The following PTPRM variants were observed in gnomAD, a reference collection of about 807,000 sequenced individuals.
The protein encoded by PTPRM is receptor-type tyrosine-protein phosphatase mu.
A neutral mutation model predicts 186.7 loss-of-function variants in PTPRM; 47 were observed. The ratio of observed to expected loss-of-function variants is 0.25; its 90% CI spans 0.20 to 0.32. The LOEUF (loss-of-function observed/expected upper bound fraction) is 0.32, where lower values mean the gene tolerates loss of function less well. Ranked by LOEUF, PTPRM falls within the 10% of genes least tolerant of loss-of-function variation. PTPRM has a pLI of 1.00. For synonymous variants in PTPRM, 668 were observed against 674.9 expected, an observed-to-expected ratio of 0.99 and a Z score of 0.16; for missense variants, 1,494 against 1,865.0, an observed-to-expected ratio of 0.80 and a Z score of 3.66.
chr18:8,085,474 CCT>C (rs1398949641), intron 9 of PTPRM, among the ~76,000 whole-genome samples, 195 bp from the exon 10 acceptor site: 1 of 152,096 alleles, frequency 6.6e-6, no homozygotes, highest in Non-Finnish European at 1.5e-5. Context: ...CTTAAGTTCC[CCT>C]GTCTATAAAA....
chr18:8,360,294 A>G (rs954783913), intron 23 of PTPRM, among the ~76,000 whole-genome samples: 1 of 152,206 alleles, frequency 6.6e-6, no homozygotes, highest in Non-Finnish European at 1.5e-5. Flanking sequence ...CCAGAGAAAG[A>G]CAGCAACTTA....
At chr18:8,043,938 A>T (rs544589174) in intron 7 of PTPRM, among the ~76,000 whole-genome samples, 1 of 152,288 alleles carries the variant, frequency 6.6e-6, no homozygotes, top group Admixed American at 6.5e-5. Context: ...TGCTTATAGA[A>T]GTTAAGTTTC....
Position 7,976,041 on chromosome 18 carries a change from T to TG in PTPRM, c.1132+20628dup, listed in dbSNP as rs563379813. 3.7e-3 allele frequency among the ~76,000 whole-genome samples: 559 copies of TG among 152,188 alleles called. 2 individuals carry two copies. The highest frequency in any genetic ancestry group is 0.013 in the African/African-American group (531 of 41,520). On this transcript the variant is annotated intron_variant, in intron 7 of 32. Coordinates refer to ENST00000580170, the MANE Select transcript of PTPRM (RefSeq NM_001105244.2). ...AAAATTAGCCAGGCATGGTGGCATG[T>TG]GCCTTTAATCCCAGCTACTCAGGAG...
intron 14 of PTPRM, among the ~76,000 whole-genome samples, chr18:8,180,567 A>G (rs1408186104): frequency 6.6e-6 from 1 of 152,204 alleles, no homozygotes; most frequent in South Asian, 2.1e-4. Flanking sequence ...CTTCTCCCTG[A>G]TTCTTCCCTT....
intron 1 of PTPRM, among the ~76,000 whole-genome samples, chr18:7,771,440 A>C (rs2042265536): frequency 6.6e-6 from 1 of 152,222 alleles, no homozygotes; most frequent in African/African-American, 2.4e-5. Context: ...CCAAACTGGA[A>C]AGTTGTTAGT....
intron 14 of PTPRM, among the ~76,000 whole-genome samples, chr18:8,162,049 T>A (rs143710860): frequency 6.6e-6 from 1 of 152,212 alleles, no homozygotes; most frequent in African/African-American, 2.4e-5. Flanking sequence ...TAGCAATATC[T>A]GTTAGAATAC....
chr18:7,952,937 C>T (rs746126133), intron 6 of PTPRM, among the ~76,000 whole-genome samples: 27 of 152,092 alleles, frequency 1.8e-4, no homozygotes, highest in Admixed American at 7.9e-4. Flanking sequence ...ACCTGGGAGG[C>T]GGAGGCTGCA....
At position 8,166,480 on chromosome 18, in the gene PTPRM, T is replaced by G. The variant is rs546233354; in HGVS notation, c.2300+22701T>G. Among the ~76,000 whole-genome samples the G allele has an allele frequency of 2.0e-5, 3 of 152,322 alleles. No homozygotes were observed. In the East Asian group the frequency reaches 5.8e-4, roughly 29 times the overall value. ...CCCTTCCTTCCTTCAAACAAGTTTA[T>G]TAACCAGCAGAGATAATAATGACCA... On this transcript the variant is annotated intron_variant, in intron 14 of 32. Transcript: ENST00000580170.
intron 20 of PTPRM, among the ~76,000 whole-genome samples, chr18:8,297,013 A>G (rs2095104305): frequency 1.3e-5 from 2 of 152,180 alleles, no homozygotes; most frequent in African/African-American, 4.8e-5. Flanking sequence ...GAATGTTACC[A>G]ACCCGTAATG....
chr18:7,640,886 G>A (rs191719642), intron 1 of PTPRM, among the ~76,000 whole-genome samples: 22 of 152,160 alleles, frequency 1.4e-4, no homozygotes, highest in Admixed American at 1.0e-3. Context: ...CTAAAGCCTT[G>A]TTTTAAAGCC....
chr18:7,589,284 C>T (rs2037061851), intron 1 of PTPRM, among the ~76,000 whole-genome samples: 1 of 152,188 alleles, frequency 6.6e-6, no homozygotes, highest in Non-Finnish European at 1.5e-5. Context: ...GGAGTGTTTA[C>T]AGGTGAGGGG....
chr18:7,628,440 A>G (rs576994613), intron 1 of PTPRM, among the ~76,000 whole-genome samples: 89 of 152,350 alleles, frequency 5.8e-4, no homozygotes, highest in African/African-American at 1.9e-3. Context: ...TAACTTTCTG[A>G]AAATTGCAGC....
At chr18:7,872,785 G>A (rs1359807621) in intron 2 of PTPRM, among the ~76,000 whole-genome samples, 2 of 152,150 alleles carry the variant, frequency 1.3e-5, no homozygotes. Context: ...AGACCATTTT[G>A]GCACTTAATA....
chr18:8,240,391 G>A (rs149629124), intron 14 of PTPRM, among the ~76,000 whole-genome samples: 2,137 of 145,168 alleles, frequency 0.015, 49 homozygotes, highest in African/African-American at 0.053. Flanking sequence ...AGCCGAGATC[G>A]CACCACTGCA....
intron 1 of PTPRM, among the ~76,000 whole-genome samples, chr18:7,744,048 G>T (rs959206025): frequency 5.3e-5 from 8 of 152,160 alleles, no homozygotes; most frequent in Non-Finnish European, 1.2e-4. Context: ...ACTGGGGAAA[G>T]CCTAAACCAG....
chr18:7,615,679 A>T (rs2037785319), intron 1 of PTPRM, among the ~76,000 whole-genome samples: 2 of 152,130 alleles, frequency 1.3e-5, no homozygotes, highest in African/African-American at 2.4e-5. Context: ...AGTTTCATGG[A>T]AGACAATTTT....
intron 2 of PTPRM, among the ~76,000 whole-genome samples, chr18:7,834,414 T>G: frequency 7.7e-6 from 1 of 130,184 alleles, no homozygotes; most frequent in Middle Eastern, 4.0e-3. Context: ...ATAAATATAA[T>G]ATATGTATAT....
intron 2 of PTPRM, among the ~76,000 whole-genome samples, chr18:7,801,674 G>A (rs921317963): frequency 2.0e-5 from 3 of 152,066 alleles, no homozygotes; most frequent in East Asian, 1.9e-4. Context: ...TACATGACTC[G>A]CAGCACGGAA....
chr18:7,834,652 C>G (rs2045944135), intron 2 of PTPRM, among the ~76,000 whole-genome samples: 2 of 151,112 alleles, frequency 1.3e-5, no homozygotes, highest in South Asian at 4.2e-4. Context: ...CCATCCTCCT[C>G]TGTTTTTCAG....
Sources: allele counts gnomAD v4.1 joint callset (sites outside exome capture counted in the v4.1 genomes callset), GRCh38; gene constraint gnomAD v4.1.1; transcripts MANE v1.5; gene names NCBI Gene and HGNC (gene_info 2026-07-23, HGNC 2026-07-21).